The following DROSHA variants were observed in gnomAD, a reference collection of about 807,000 sequenced individuals.
DROSHA encodes ribonuclease 3.
Under a neutral mutation model 181.9 loss-of-function variants are expected in DROSHA, and 56 were observed. That is an observed-to-expected ratio of 0.31 (90% CI 0.25 to 0.38). The LOEUF (loss-of-function observed/expected upper bound fraction) is 0.38. Ranked by LOEUF, DROSHA falls within the 10% of genes least tolerant of loss-of-function variation. The pLI, the probability that DROSHA is intolerant of heterozygous loss-of-function variation, is 1.00. For synonymous variants in DROSHA, 524 were observed against 591.2 expected (o/e 0.89, Z 1.65); for missense variants, 1,218 against 1,743.5 (o/e 0.70, Z 5.37).
At chr5:31,468,580 T>A (rs1036239708) in intron 17 of DROSHA, among the ~76,000 whole-genome samples, 1 of 152,258 alleles carries the variant, frequency 6.6e-6, no homozygotes, top group Non-Finnish European at 1.5e-5. Context: ...ATTATGTCCA[T>A]GTAGGACATT....
At chr5:31,474,552 C>A (rs1271056314) in intron 16 of DROSHA, among the ~76,000 whole-genome samples, 1 of 151,972 alleles carries the variant, frequency 6.6e-6, no homozygotes, top group Non-Finnish European at 1.5e-5. Flanking sequence ...TTTGTAGAGA[C>A]AGGGTCTAAT....
intron 23 of DROSHA, among the ~76,000 whole-genome samples, chr5:31,446,184 C>A (rs189698405): frequency 3.3e-5 from 5 of 152,090 alleles, no homozygotes; most frequent in African/African-American, 4.8e-5. Context: ...TGGTGGCTCA[C>A]GCCTGTAATC....
At chr5:31,475,801 C>T (rs10045301) in intron 16 of DROSHA, among the ~76,000 whole-genome samples, 4,068 of 152,000 alleles carry the variant, frequency 0.027, 178 homozygotes, top group African/African-American at 0.093. Flanking sequence ...AGGAGGATGA[C>T]GGAGGGAGTA....
At chr5:31,503,654 T>G (rs904513981) in intron 11 of DROSHA, among the ~76,000 whole-genome samples, 1 of 152,138 alleles carries the variant, frequency 6.6e-6, no homozygotes. Flanking sequence ...CAGACCCACA[T>G]CACAGGTGAA....
chr5:31,500,382 C>T (rs1753455179), intron 11 of DROSHA, among the ~76,000 whole-genome samples: 1 of 152,156 alleles, frequency 6.6e-6, no homozygotes, highest in South Asian at 2.1e-4. Context: ...GTAGATTGAC[C>T]TGGGGCACTC....
chr5:31,415,887 CA>C (rs546164306), intron 30 of DROSHA, among the ~76,000 whole-genome samples: 265 of 152,222 alleles, frequency 1.7e-3, no homozygotes, highest in African/African-American at 6.2e-3. Context: ...CTGCATACAC[CA>C]ACCTAAAAAC....
At chr5:31,435,967 G>A (rs1304820905) in intron 24 of DROSHA, 103 bp from the exon 25 acceptor site, 1 of 937,114 alleles carries the variant, frequency 1.1e-6, no homozygotes, top group Non-Finnish European at 1.6e-6. Context: ...CTGTGCAATG[G>A]ATATCAGGTG....
chr5:31,475,017 A>G (rs1054355352), intron 16 of DROSHA, among the ~76,000 whole-genome samples: 1 of 152,004 alleles, frequency 6.6e-6, no homozygotes, highest in East Asian at 1.9e-4. Context: ...TCTCCAAGTC[A>G]GTCTCAAAAC....
At chr5:31,469,509 T>C (rs1449064333) in intron 17 of DROSHA, among the ~76,000 whole-genome samples, 3 of 152,268 alleles carry the variant, frequency 2.0e-5, no homozygotes, top group Non-Finnish European at 4.4e-5. Context: ...TATAAAATTA[T>C]TTAAATGCCC....
chr5:31,449,486 G>A, intron 21 of DROSHA, 67 bp from the exon 22 acceptor site: 1 of 1,506,044 alleles, frequency 6.6e-7, no homozygotes, highest in Non-Finnish European at 8.9e-7. Flanking sequence ...GCTCACGCCT[G>A]TAATCCTAAG....
chr5:31,531,199 A>T (rs1019702472), intron 2 of DROSHA, among the ~76,000 whole-genome samples: 8 of 152,208 alleles, frequency 5.3e-5, no homozygotes, highest in African/African-American at 1.7e-4. Flanking sequence ...TAAACACACA[A>T]AAAAGAGGTA....
At chr5:31,496,598 C>T (rs912124654) in intron 11 of DROSHA, among the ~76,000 whole-genome samples, 2 of 152,166 alleles carry the variant, frequency 1.3e-5, no homozygotes, top group African/African-American at 2.4e-5. Flanking sequence ...TTGATGGGGA[C>T]GTTCATGCTG....
chr5:31,526,660 G>C lies in DROSHA; in HGVS notation c.273C>G (p.Gly91=), dbSNP rs768374156. 1 of 1,516,994 alleles carries C rather than the reference G, an allele frequency of 6.6e-7. No homozygotes were observed. Among genetic ancestry groups the C allele is most frequent in the Admixed American group, 2.3e-5 (1 of 44,362 alleles). The allele number at this position is 1,516,994 out of a possible 1,614,324, so 94.0% of individuals were successfully genotyped here. The change falls in exon 5 of 36, where the codon GGC becomes GGG. Residue 91 remains glycine, a synonymous_variant. Coordinates refer to ENST00000344624, the MANE Select transcript of DROSHA (RefSeq NM_001382508.1). The part of the protein sequence containing the change: ...FPPPMPPSAQ[G]PLPPCPIRPP... Reference sequence around the variant, plus strand: ...GCCTGATTGGGCAGGGGGGAAGAGGGCCTTGCGCTGACGGAGGCATGGGTG... The same window carrying C: ...GCCTGATTGGGCAGGGGGGAAGAGGCCCTTGCGCTGACGGAGGCATGGGTG...
intron 16 of DROSHA, among the ~76,000 whole-genome samples, chr5:31,479,356 A>G (rs1750756837): frequency 6.6e-6 from 1 of 152,216 alleles, no homozygotes; most frequent in African/African-American, 2.4e-5. Context: ...AAGCAAAAGC[A>G]ACACTTCAAT....
At chr5:31,498,071 G>A (rs1021222000) in intron 11 of DROSHA, among the ~76,000 whole-genome samples, 1 of 152,164 alleles carries the variant, frequency 6.6e-6, no homozygotes, top group Non-Finnish European at 1.5e-5. Context: ...AACTATTCTT[G>A]TAAGGGGAAA....
chr5:31,402,633 T>A (rs911269084), intron 35 of DROSHA, among the ~76,000 whole-genome samples: 1 of 152,164 alleles, frequency 6.6e-6, no homozygotes, highest in Admixed American at 6.5e-5. Flanking sequence ...TAAGGGGAGA[T>A]GACCATATAA....
intron 21 of DROSHA, among the ~76,000 whole-genome samples, chr5:31,449,874 C>T (rs1222262): frequency 0.057 from 8,635 of 152,148 alleles, 568 homozygotes; most frequent in African/African-American, 0.16. Flanking sequence ...AACAGACAAC[C>T]TTCAGAATGG....
At chr5:31,436,971 T>C (rs1359212325) in intron 24 of DROSHA, among the ~76,000 whole-genome samples, 1 of 152,178 alleles carries the variant, frequency 6.6e-6, no homozygotes, top group Non-Finnish European at 1.5e-5. Context: ...CAAGCTGATC[T>C]CTTGTGGCTG....
intron 25 of DROSHA, among the ~76,000 whole-genome samples, chr5:31,435,300 A>C (rs1170576005): frequency 2.0e-5 from 3 of 152,204 alleles, no homozygotes; most frequent in Non-Finnish European, 4.4e-5. Flanking sequence ...AGGATTTGTG[A>C]TTTGGGGGAT....
Sources: gnomAD v4.1 joint callset for allele counts (sites outside exome capture counted in the v4.1 genomes callset) on GRCh38, gnomAD v4.1.1 for gene constraint, MANE v1.5 for transcripts, NCBI Gene and HGNC (gene_info 2026-07-23, HGNC 2026-07-21) for gene names.